Variants in SH3GL2 observed in about 807,000 individuals in gnomAD.
SH3GL2 encodes endophilin-A1.
Under a neutral mutation model 46.0 loss-of-function variants are expected in SH3GL2, and 24 were observed. The observed-to-expected ratio is 0.52, with a 90% CI of 0.38 to 0.73. The LOEUF is 0.73. Among genes scored for constraint, SH3GL2 ranks in the 30% least tolerant of loss-of-function variants. The pLI is 0.00. For synonymous variants in SH3GL2, 196 were observed against 147.1 expected (o/e 1.33, Z -2.40); for missense variants, 413 against 424.2 (o/e 0.97, Z 0.23).
chr9:17,712,996 A>T (rs1241291131), intron 1 of SH3GL2, among the ~76,000 whole-genome samples: 1 of 151,558 alleles, frequency 6.6e-6, no homozygotes, highest in East Asian at 1.9e-4. Flanking sequence ...ACCATTAAGG[A>T]TGATGTTAGC....
At chr9:17,727,529 G>A (rs112374910) in intron 1 of SH3GL2, among the ~76,000 whole-genome samples, 1 of 152,164 alleles carries the variant, frequency 6.6e-6, no homozygotes, top group Non-Finnish European at 1.5e-5. Context: ...AAGCTTGGTA[G>A]ACAGCTCCCT....
At chr9:17,774,728 C>T (rs145803989) in intron 3 of SH3GL2, among the ~76,000 whole-genome samples, 9 of 152,030 alleles carry the variant, frequency 5.9e-5, no homozygotes, top group African/African-American at 1.4e-4. Context: ...CAACAATGAT[C>T]GTAAGAGATA....
intron 1 of SH3GL2, among the ~76,000 whole-genome samples, chr9:17,630,963 A>C (rs935793286): frequency 4.6e-5 from 7 of 151,906 alleles, no homozygotes; most frequent in Non-Finnish European, 1.0e-4. Context: ...GTGAGTGTTC[A>C]GCATAAGGAT....
intron 1 of SH3GL2, among the ~76,000 whole-genome samples, chr9:17,595,979 G>T (rs891368881): frequency 6.6e-5 from 10 of 151,972 alleles, no homozygotes; most frequent in Non-Finnish European, 1.5e-4. Context: ...CTTATCTTTG[G>T]TAATTTGATC....
At chr9:17,788,359 T>C (rs985877098) in intron 5 of SH3GL2, among the ~76,000 whole-genome samples, 4 of 152,114 alleles carry the variant, frequency 2.6e-5, no homozygotes, top group African/African-American at 9.7e-5. Flanking sequence ...CATTTAGTTT[T>C]TGGATCAGGG....
intron 1 of SH3GL2, among the ~76,000 whole-genome samples, chr9:17,627,953 A>T (rs79667369): frequency 0.02 from 3,102 of 152,192 alleles, 109 homozygotes; most frequent in African/African-American, 0.071. Flanking sequence ...CGGGCTTCTT[A>T]CTTTTCTCCT....
intron 1 of SH3GL2, among the ~76,000 whole-genome samples, chr9:17,623,748 A>T (rs1375561260): frequency 1.3e-5 from 2 of 150,806 alleles, no homozygotes; most frequent in Non-Finnish European, 3.0e-5. Flanking sequence ...CACCCACCAT[A>T]TATTTTTCTG....
intron 1 of SH3GL2, among the ~76,000 whole-genome samples, chr9:17,737,937 C>G (rs1468530879): frequency 6.6e-6 from 1 of 152,126 alleles, no homozygotes; most frequent in South Asian, 2.1e-4. Flanking sequence ...CTTACTTACT[C>G]CTTTCAGAAT....
At chr9:17,666,254 G>C (rs943695008) in intron 1 of SH3GL2, among the ~76,000 whole-genome samples, 1 of 151,742 alleles carries the variant, frequency 6.6e-6, no homozygotes, top group Non-Finnish European at 1.5e-5. Flanking sequence ...ATACAGTAAA[G>C]TTCATATGTT....
At chr9:17,678,030 A>G (rs377646965) in intron 1 of SH3GL2, among the ~76,000 whole-genome samples, 6 of 152,126 alleles carry the variant, frequency 3.9e-5, no homozygotes, top group South Asian at 2.1e-4. Flanking sequence ...GTCTATCATT[A>G]TTGGACATTT....
intron 2 of SH3GL2, among the ~76,000 whole-genome samples, chr9:17,757,273 C>T (rs1277969699): frequency 1.2e-4 from 18 of 152,078 alleles, no homozygotes. Flanking sequence ...TCTAAAACAC[C>T]AAAAGCAATG....
At chr9:17,718,251 C>T (rs1176134844) in intron 1 of SH3GL2, among the ~76,000 whole-genome samples, 2 of 152,110 alleles carry the variant, frequency 1.3e-5, no homozygotes, top group African/African-American at 4.8e-5. Context: ...ATGCCATCCT[C>T]CCTCACACAG....
intron 1 of SH3GL2, among the ~76,000 whole-genome samples, chr9:17,679,718 G>C (rs891918874): frequency 6.6e-6 from 1 of 152,162 alleles, no homozygotes; most frequent in Admixed American, 6.5e-5. Flanking sequence ...GTTTTCAAAG[G>C]GAATGCTTCC....
intron 1 of SH3GL2, among the ~76,000 whole-genome samples, chr9:17,704,753 C>G (rs780114391): frequency 2.6e-5 from 4 of 152,008 alleles, no homozygotes; most frequent in African/African-American, 9.7e-5. Flanking sequence ...TGAAACTATA[C>G]CCCTTCCTTA....
chr9:17,751,492 G>GTGTT (rs1822844135), intron 2 of SH3GL2, among the ~76,000 whole-genome samples: 1 of 151,852 alleles, frequency 6.6e-6, no homozygotes, highest in Admixed American at 6.6e-5. Context: ...GTGTGTGTGT[G>GTGTT]TGTGTGTGTG....
chr9:17,789,290 C>T (rs531496353), intron 5 of SH3GL2, 102 bp from the exon 6 acceptor site: 7 of 904,954 alleles, frequency 7.7e-6, no homozygotes, highest in Non-Finnish European at 1.2e-5. Flanking sequence ...AAAACTTAGC[C>T]TATCTTAATT....
intron 3 of SH3GL2, among the ~76,000 whole-genome samples, chr9:17,765,904 A>G (rs936084243): frequency 2.0e-5 from 3 of 152,258 alleles, no homozygotes; most frequent in Admixed American, 6.5e-5. Context: ...TAAATGAATT[A>G]TGAAGCACAG....
rs1554645334 is a variant in SH3GL2, at chr9:17,738,641, T to TAGAGAGAGAG, written c.46-8401_46-8392dup. Reference sequence around the variant, plus strand: ...TCATGTGATTTTATATATATATATATAGAGAGAGAGAGAGAGAGAGAGAGA... The same window carrying TAGAGAGAGAG: ...TCATGTGATTTTATATATATATATATAGAGAGAGAGAGAGAGAGAGAGAGAGAGAGAGAGA... On this transcript the variant is annotated intron_variant, in intron 1 of 8. Coordinates refer to ENST00000380607, the MANE Select transcript of SH3GL2 (RefSeq NM_003026.5). Among the ~76,000 whole-genome samples, 28 of 88,872 alleles carry TAGAGAGAGAG rather than the reference T, an allele frequency of 3.2e-4. 1 individual carries two copies. Among genetic ancestry groups the TAGAGAGAGAG allele is most frequent in the East Asian group, 1.6e-3 (4 of 2,456 alleles). The allele number at this position is 88,872 out of a possible 152,430, so 58.3% of individuals were successfully genotyped here. A position where few individuals can be genotyped will look rare whatever the true frequency, so the allele number is the denominator to read the frequency against.
intron 3 of SH3GL2, among the ~76,000 whole-genome samples, chr9:17,763,432 C>A (rs975631610): frequency 1.3e-5 from 2 of 151,994 alleles, no homozygotes; most frequent in Non-Finnish European, 2.9e-5. Flanking sequence ...TGATGGGTGT[C>A]CTTATGAGAA....
Sources: gnomAD v4.1 joint callset for allele counts (sites outside exome capture counted in the v4.1 genomes callset) on GRCh38, gnomAD v4.1.1 for gene constraint, MANE v1.5 for transcripts, NCBI Gene and HGNC (gene_info 2026-07-23, HGNC 2026-07-21) for gene names.